The following ANKRD13C variants were observed in gnomAD, a reference collection of about 807,000 sequenced individuals.
ANKRD13C encodes the protein ankyrin repeat domain-containing protein 13C.
Under a neutral mutation model 65.5 loss-of-function variants are expected in ANKRD13C, and 16 were observed. The ratio of observed to expected loss-of-function variants is 0.24; its 90% confidence interval spans 0.17 to 0.37. ANKRD13C has a LOEUF of 0.37. Ranked by LOEUF, ANKRD13C falls within the 10% of genes least tolerant of loss-of-function variation. The pLI is 1.00. For missense variants in ANKRD13C, 503 were observed against 655.9 expected (o/e 0.77, Z 2.55); for synonymous variants, 235 against 238.7 (o/e 0.98, Z 0.14).
Position 70,276,849 on chromosome 1 carries a change from C to CA in ANKRD13C, c.1216-6dup, listed in dbSNP as rs745401277. On this transcript the variant is annotated splice_polypyrimidine_tract_variant and splice_region_variant and intron_variant, in intron 9 of 12. Coordinates refer to ENST00000370944, the MANE Select transcript of ANKRD13C (RefSeq NM_030816.5). ...AAGAGACTGTCTTCGAATCGGCTGC[C>CA]AAAAAAAAAAAAGAAAGAAAGTGGG... 0.031 allele frequency: 36,201 copies of CA among 1,156,264 alleles called. No individual in the cohort carries two copies. The highest frequency in any genetic ancestry group is 0.036 in the South Asian group (2,243 of 62,296). 71.6% of individuals were successfully genotyped at this position (1,156,264 alleles called of 1,614,324 possible).
intron 2 of ANKRD13C, among the ~76,000 whole-genome samples, chr1:70,327,003 A>G (rs994383523): frequency 8.6e-6 from 1 of 116,410 alleles, no homozygotes; most frequent in African/African-American, 3.6e-5. Context: ...ATTTAACATA[A>G]TACCCCAGTA....
intron 12 of ANKRD13C, among the ~76,000 whole-genome samples, chr1:70,266,449 T>C (rs1056924113): frequency 6.6e-4 from 101 of 152,180 alleles, no homozygotes; most frequent in African/African-American, 2.3e-3. Context: ...GTACTTTTTG[T>C]GTGTGTGTGA....
chr1:70,346,509 C>G (rs1179425331), intron 1 of ANKRD13C, among the ~76,000 whole-genome samples: 1 of 152,044 alleles, frequency 6.6e-6, no homozygotes, highest in East Asian at 1.9e-4. Context: ...TTTGTGCACC[C>G]CCTAACTATA....
chr1:70,330,442 CGG>C (rs1161141406), intron 2 of ANKRD13C, among the ~76,000 whole-genome samples: 8 of 151,766 alleles, frequency 5.3e-5, no homozygotes, highest in African/African-American at 1.9e-4. Context: ...CCTGTAATCC[CGG>C]CTGCTCAGGA....
intron 9 of ANKRD13C, chr1:70,292,185 G>T: frequency 5.0e-6 from 2 of 403,228 alleles, no homozygotes; most frequent in Non-Finnish European, 4.3e-6. Flanking sequence ...CAAAGATAAA[G>T]TACAGATTCA....
chr1:70,262,943 T>TAAAAA (rs34241203), intron 12 of ANKRD13C, 96 bp from the exon 13 acceptor site: 4,603 of 459,966 alleles, frequency 0.01, 49 homozygotes, highest in African/African-American at 0.018. Flanking sequence ...CCTTAAAATG[T>TAAAAA]AAAAAAAAAA....
In ANKRD13C at chr1:70,335,410, A is replaced by AT. The variant is rs575097358; in HGVS notation, c.472+647_472+648insA. Among the ~76,000 whole-genome samples the AT allele has an allele frequency of 3.3e-4, 50 of 151,868 alleles. No individual in the cohort carries two copies. In the East Asian group the frequency reaches 8.9e-3, roughly 27 times the overall value. ...AATAGAGCGAGACTCTGCCTCAAAAAAAAAAAAAAGAAAAAATTTTTACTA... is the reference window on the plus strand; with the variant it reads ...AATAGAGCGAGACTCTGCCTCAAAAATAAAAAAAAAGAAAAAATTTTTACTA... On this transcript the variant is annotated intron_variant, in intron 2 of 12. Transcript: ENST00000370944.
chr1:70,349,326 T>C (rs1682652318), intron 1 of ANKRD13C, among the ~76,000 whole-genome samples: 2 of 152,196 alleles, frequency 1.3e-5, no homozygotes, highest in Non-Finnish European at 1.5e-5. Flanking sequence ...TTTTGTGTAC[T>C]TTTAATATTT....
chr1:70,286,259 G>A (rs1425748930), intron 9 of ANKRD13C, among the ~76,000 whole-genome samples: 1 of 151,732 alleles, frequency 6.6e-6, no homozygotes, highest in African/African-American at 2.4e-5. Context: ...ATTTATAATT[G>A]AACTCTGAGA....
intron 8 of ANKRD13C, among the ~76,000 whole-genome samples, chr1:70,293,921 G>T (rs1288149095): frequency 1.3e-5 from 2 of 152,176 alleles, no homozygotes; most frequent in Non-Finnish European, 2.9e-5. Context: ...AACAGGCAAA[G>T]GCATGTAAAA....
At chr1:70,313,986 G>T (rs956702051) in intron 4 of ANKRD13C, among the ~76,000 whole-genome samples, 196 bp from the exon 5 acceptor site, 1 of 151,460 alleles carries the variant, frequency 6.6e-6, no homozygotes, top group Non-Finnish European at 1.5e-5. Context: ...ATTTAAATTT[G>T]TATCAATAAA....
intron 8 of ANKRD13C, among the ~76,000 whole-genome samples, chr1:70,292,997 T>C (rs1670945): frequency 0.99 from 151,393 of 152,298 alleles, 75,255 homozygotes; most frequent in East Asian, 1. Context: ...AAATAGTCCA[T>C]GTCACACAAG....
At chr1:70,263,775 A>C (rs1678485006) in intron 12 of ANKRD13C, among the ~76,000 whole-genome samples, 1 of 152,122 alleles carries the variant, frequency 6.6e-6, no homozygotes, top group Non-Finnish European at 1.5e-5. Context: ...ACATAGGGAG[A>C]CCCTGTCTCT....
chr1:70,312,144 A>C (rs932700074), intron 5 of ANKRD13C, among the ~76,000 whole-genome samples: 1 of 152,206 alleles, frequency 6.6e-6, no homozygotes, highest in African/African-American at 2.4e-5. Context: ...ATTGTTAATT[A>C]AAGTTTAAAT....
At chr1:70,324,198 TATAAAG>T (rs1410731778) in intron 3 of ANKRD13C, among the ~76,000 whole-genome samples, 1 of 152,198 alleles carries the variant, frequency 6.6e-6, no homozygotes, top group Non-Finnish European at 1.5e-5. Flanking sequence ...AGCCTAAAAA[TATAAAG>T]ATAATATTAT....
chr1:70,321,089 T>G (rs1392470103), intron 3 of ANKRD13C, among the ~76,000 whole-genome samples: 3 of 152,218 alleles, frequency 2.0e-5, no homozygotes, highest in Non-Finnish European at 4.4e-5. Context: ...TGATTCTTGA[T>G]ACACAGTCTC....
At chr1:70,337,357 A>C (rs1453091915) in intron 1 of ANKRD13C, among the ~76,000 whole-genome samples, 1 of 151,754 alleles carries the variant, frequency 6.6e-6, no homozygotes, top group African/African-American at 2.4e-5. Context: ...TGGCAGGCAG[A>C]TCACCCGAGG....
chr1:70,347,359 T>C (rs1338616433), intron 1 of ANKRD13C, among the ~76,000 whole-genome samples: 1 of 149,552 alleles, frequency 6.7e-6, no homozygotes, highest in Non-Finnish European at 1.5e-5. Context: ...ATTCTGATAA[T>C]TACACTGTAC....
At chr1:70,315,793 G>A (rs1009780557) in intron 3 of ANKRD13C, among the ~76,000 whole-genome samples, 1 of 152,156 alleles carries the variant, frequency 6.6e-6, no homozygotes, top group Non-Finnish European at 1.5e-5. Context: ...AAAAGAAGCT[G>A]AGACATAGAA....
Sources: allele counts gnomAD v4.1 joint callset (sites outside exome capture counted in the v4.1 genomes callset), GRCh38; gene constraint gnomAD v4.1.1; transcripts MANE v1.5; gene names NCBI Gene and HGNC (gene_info 2026-07-23, HGNC 2026-07-21).